The following ERFL variants were observed in gnomAD, a reference collection of about 807,000 sequenced individuals.
ERFL encodes ETS repressor factor like.
Under a neutral mutation model 27.9 loss-of-function variants are expected in ERFL, and 8 were observed. That is an observed-to-expected ratio of 0.29 (90% CI 0.17 to 0.52). The LOEUF (loss-of-function observed/expected upper bound fraction) is 0.52. Ranked by LOEUF, ERFL falls within the 20% of genes least tolerant of loss-of-function variation. The probability of loss-of-function intolerance (pLI) is 0.97; values close to 1 mark genes in which losing one functional copy is unlikely to be tolerated. For synonymous variants in ERFL, 174 were observed against 202.8 expected (o/e 0.86, Z 1.21); for missense variants, 294 against 444.4 (o/e 0.66, Z 3.04).
intron 1 of ERFL, among the ~76,000 whole-genome samples, chr19:41,919,730 C>T (rs915990510): frequency 6.6e-6 from 1 of 152,170 alleles, no homozygotes; most frequent in Non-Finnish European, 1.5e-5. Flanking sequence ...CAGGGTCGCA[C>T]TCACTTGGTC....
chr19:41,911,228 G>A lies in ERFL; in HGVS notation c.68-1131C>T, dbSNP rs547074698. 1.3e-3 allele frequency among the ~76,000 whole-genome samples: 204 copies of A among 152,210 alleles called. No individual in the cohort carries two copies. In the Middle Eastern group the frequency reaches 0.017, roughly 13 times the overall value. ...CATACCCCCAGGAGCTGGGCACCCC[G>A]AAATCTCATCTCCCATGCAGAAGGC... On this transcript the variant is annotated intron_variant, in intron 2 of 5. Coordinates refer to ENST00000597630, the MANE Select transcript of ERFL (RefSeq NM_001365103.2).
At position 41,921,537 on chromosome 19, in the gene ERFL, G is replaced by A. The variant is rs892955260; in HGVS notation, c.-14+6503C>T. Among the ~76,000 whole-genome samples the A allele has an allele frequency of 2.0e-5, 3 of 148,000 alleles. No homozygotes were observed. Among genetic ancestry groups the A allele is most frequent in the African/African-American group, 8.0e-5 (3 of 37,560 alleles). On this transcript the variant is annotated intron_variant, in intron 1 of 5. Coordinates refer to ENST00000597630, the MANE Select transcript of ERFL (RefSeq NM_001365103.2). This position sits in a 1 kb window ranked among gnomAD's most constrained non-coding sequence, Gnocchi z 4.4. ...GACAGGCAGGGGGAGATCCGAGGTG[G>A]GGAAACACGGCAGAAGGAGCGAACC... is the stretch of plus-strand genomic sequence containing the variant.
At chr19:41,915,879 G>A (rs1267682830) in intron 1 of ERFL, among the ~76,000 whole-genome samples, 1 of 152,134 alleles carries the variant, frequency 6.6e-6, no homozygotes, top group Non-Finnish European at 1.5e-5. Context: ...CGGACAGATG[G>A]ACAAACGGCC....
In ERFL at chr19:41,917,280, CTCTCTG is replaced by C. The variant is rs1555852030; in HGVS notation, c.-13-4354_-13-4349del. Among the ~76,000 whole-genome samples, 1 of 152,062 alleles carries C rather than the reference CTCTCTG, an allele frequency of 6.6e-6. No homozygotes were observed. The highest frequency in any genetic ancestry group is 1.9e-4 in the East Asian group (1 of 5,182). ...TCTCTCTGGGTGCATCTCTCTGTCT[CTCTCTG>C]TCTCTGTCCCTCTCTGTCTCTGAGC... is the stretch of plus-strand genomic sequence containing the variant. On this transcript the variant is annotated intron_variant, in intron 1 of 5. Transcript: ENST00000597630. This position sits in a 1 kb window ranked among gnomAD's most constrained non-coding sequence, Gnocchi z 4.8.
Position 41,908,394 on chromosome 19 carries a change from G to A in ERFL, c.899C>T (p.Ala300Val), listed in dbSNP as rs1053290872. Residue 300 changes from alanine to valine, a missense_variant, in exon 6 of 6, where the codon GCG (alanine) becomes GTG (valine). By Grantham distance (64) the Ala-to-Val change is moderately conservative. This residue lies in a region of ERFL where 246 missense variants were observed against 371.4 expected (regional missense o/e 0.66). Coordinates refer to ENST00000597630, the MANE Select transcript of ERFL (RefSeq NM_001365103.2). The surrounding 1 kb of genome is among the most constrained non-coding windows in gnomAD (Gnocchi z 6.7). ...CTCTGGACCCCCAGCCCCTGGCAGC[G>A]CCAGGCGAGGGGCCGCTGCCAGGCC... ...PSGLAAAPRLALPGAGGPEAA... is the reference protein window; with the variant it reads ...PSGLAAAPRLVLPGAGGPEAA... 2.8e-5 allele frequency: 34 copies of A among 1,231,256 alleles called. No homozygotes were observed. The highest frequency in any genetic ancestry group is 2.1e-4 in the South Asian group (5 of 24,320). 76.3% of individuals were successfully genotyped at this position (1,231,256 alleles called of 1,614,324 possible). A position where few individuals can be genotyped will look rare whatever the true frequency, so the allele number is the denominator to read the frequency against.
At chr19:41,918,656 A>C (rs2074818690) in intron 1 of ERFL, among the ~76,000 whole-genome samples, 1 of 149,248 alleles carries the variant, frequency 6.7e-6, no homozygotes, top group South Asian at 2.2e-4. Flanking sequence ...CACACAGTAC[A>C]TACACTACCC....
chr19:41,911,444 T>C (rs1258005215), intron 2 of ERFL, among the ~76,000 whole-genome samples: 4 of 152,276 alleles, frequency 2.6e-5, no homozygotes, highest in Non-Finnish European at 1.5e-5. Flanking sequence ...CCGTGTCCAC[T>C]TGCTGTGTGA....
At position 41,908,572 on chromosome 19, in the gene ERFL, T is replaced by G. The variant is rs1260393083; in HGVS notation, c.721A>C (p.Lys241Gln). The G allele has an allele frequency of 2.4e-6, 3 of 1,231,306 alleles. No homozygotes were observed. The highest frequency in any genetic ancestry group is 3.0e-6 in the Non-Finnish European group (3 of 987,988). The allele number at this position is 1,231,306 out of a possible 1,614,324, so 76.3% of individuals were successfully genotyped here. The change falls in exon 6 of 6, where the codon AAG becomes CAG. Residue 241 changes from lysine to glutamine, a missense_variant. By Grantham distance (53) the Lys-to-Gln change is moderately conservative (BLOSUM62 1). Coordinates refer to ENST00000597630, the MANE Select transcript of ERFL (RefSeq NM_001365103.2). This position sits in a 1 kb window ranked among gnomAD's most constrained non-coding sequence, Gnocchi z 6.7. ...FNPYLTGPFPKLPPSLYPPHF... is the reference protein window; with the variant it reads ...FNPYLTGPFPQLPPSLYPPHF... ...GGGGGGTAGAGAGAGGGAGGCAGCT[T>G]GGGGAAGGGGCCCGTGAGGTACGGG... is the stretch of plus-strand genomic sequence containing the variant.
Position 41,910,837 on chromosome 19 carries a change from G to A in ERFL, c.68-740C>T, listed in dbSNP as rs189875330. Among the ~76,000 whole-genome samples the A allele has an allele frequency of 6.6e-6, 1 of 152,282 alleles. No individual in the cohort carries two copies. Among genetic ancestry groups the A allele is most frequent in the East Asian group, 1.9e-4 (1 of 5,186 alleles). On this transcript the variant is annotated intron_variant, in intron 2 of 5. Transcript: ENST00000597630. The surrounding 1 kb of genome is among the most constrained non-coding windows in gnomAD (Gnocchi z 4.4). ...AGGCACACCGGAGTGCCACACTCAT[G>A]CTGGGGGCCACCAAGGCTGACATGG...
rs1036168085 is a variant in ERFL, at chr19:41,912,988, G to A, written c.-13-56C>T. 70 of 829,874 alleles carry A rather than the reference G, an allele frequency of 8.4e-5. 1 individual carries two copies. The Middle Eastern group carries it at 1.2e-3, about 14-fold the overall frequency. 51.4% of individuals were successfully genotyped at this position (829,874 alleles called of 1,614,324 possible). The stretch of plus-strand genomic sequence containing the variant: ...GGGGTGGGCAGGAGAGACAGACACA[G>A]GTCAGCCAGCGGGGCGCTGCCCGGG... On this transcript the variant is annotated intron_variant, in intron 1 of 5. Transcript: ENST00000597630.
rs1247568963 is a variant in ERFL, at chr19:41,916,661, C to T, written c.-13-3729G>A. 2.0e-5 allele frequency among the ~76,000 whole-genome samples: 3 copies of T among 152,028 alleles called. No individual in the cohort carries two copies. Among genetic ancestry groups the T allele is most frequent in the Non-Finnish European group, 2.9e-5 (2 of 68,006 alleles). On this transcript the variant is annotated intron_variant, in intron 1 of 5. Transcript: ENST00000597630. The surrounding 1 kb of genome is among the most constrained non-coding windows in gnomAD (Gnocchi z 5.4). ...GCACACAGAAACAGACACACAGTCA[C>T]ACAACCAAGCACCACCGACCCTCGA...
chr19:41,913,973 A>G lies in ERFL; in HGVS notation c.-13-1041T>C, dbSNP rs1224181966. Among the ~76,000 whole-genome samples, 7 of 129,964 alleles carry G rather than the reference A, an allele frequency of 5.4e-5. 1 individual carries two copies. The highest frequency in any genetic ancestry group is 2.1e-4 in the African/African-American group (7 of 33,698). The allele number at this position is 129,964 out of a possible 152,430, so 85.3% of individuals were successfully genotyped here. ...ACCCCCCAGACGCTCTCAAAAACCC[A>G]CTCCTCTTAGACACCCTGATACTCC... is the stretch of plus-strand genomic sequence containing the variant. On this transcript the variant is annotated intron_variant, in intron 1 of 5. Coordinates refer to ENST00000597630, the MANE Select transcript of ERFL (RefSeq NM_001365103.2).
rs566183997 is a variant in ERFL, at chr19:41,908,317, C to T, written c.976G>A (p.Val326Ile). ...DSDSELEITD[V>I]SGCSSDSEGD... is the part of the protein sequence containing the mutation. ...TCGCTGTCAGAGCTGCAGCCGCTGA[C>T]GTCGGTGATCTCCAGCTCCGAGTCG... The change falls in exon 6 of 6, where the codon GTC becomes ATC. Residue 326 changes from valine (V) to isoleucine (I), a missense_variant. Transcript: ENST00000597630. This position sits in a 1 kb window ranked among gnomAD's most constrained non-coding sequence, Gnocchi z 6.7. The T allele has an allele frequency of 3.7e-4, 451 of 1,231,498 alleles. 3 individuals are homozygous for T. In the African/African-American group the frequency reaches 6.1e-3, roughly 17 times the overall value. 76.3% of individuals were successfully genotyped at this position (1,231,498 alleles called of 1,614,324 possible).
intron 1 of ERFL, chr19:41,923,087 C>T (rs1555852774): frequency 4.4e-6 from 2 of 454,308 alleles, no homozygotes; most frequent in South Asian, 1.6e-5. Flanking sequence ...TTTTGCTTCC[C>T]TCAGCACCCC....
At chr19:41,923,201 A>T (rs782738599) in intron 1 of ERFL, 2 of 456,456 alleles carry the variant, frequency 4.4e-6, no homozygotes, top group South Asian at 3.1e-5. Flanking sequence ...CCAAAGTCCC[A>T]CAGGGATGAG....
intron 1 of ERFL, among the ~76,000 whole-genome samples, chr19:41,926,699 G>A (rs1568837639): frequency 2.6e-5 from 4 of 152,102 alleles, no homozygotes; most frequent in Non-Finnish European, 5.9e-5. Flanking sequence ...CGTCTGGGCC[G>A]CGGCGGCCGG....
chr19:41,926,475 G>C (rs1183731545), intron 1 of ERFL, among the ~76,000 whole-genome samples: 1 of 152,116 alleles, frequency 6.6e-6, no homozygotes, highest in Non-Finnish European at 1.5e-5. Flanking sequence ...TGAGGCCACA[G>C]GTGGGTGCAG....
intron 1 of ERFL, among the ~76,000 whole-genome samples, chr19:41,914,968 C>G (rs1555851784): frequency 7.4e-5 from 5 of 67,698 alleles, no homozygotes; most frequent in South Asian, 6.2e-4. Flanking sequence ...CTCTGTCTCT[C>G]CCTCCCTCCC....
intron 1 of ERFL, among the ~76,000 whole-genome samples, chr19:41,920,659 A>G (rs191414940): frequency 1.1e-4 from 17 of 152,360 alleles, no homozygotes; most frequent in African/African-American, 4.1e-4. Flanking sequence ...GCATGTCTAC[A>G]CAGATCACAT....
Sources: allele counts gnomAD v4.1 joint callset (sites outside exome capture counted in the v4.1 genomes callset), GRCh38; gene constraint gnomAD v4.1.1; regional missense constraint gnomAD v4.1.1; non-coding constraint Gnocchi (gnomAD v3.1); transcripts MANE v1.5; gene names NCBI Gene and HGNC (gene_info 2026-07-23, HGNC 2026-07-21).